Variants in CARNMT1 observed in about 807,000 individuals in gnomAD.
CARNMT1 encodes the protein protein-L-histidine N-pros-methyltransferase CARNMT1.
A neutral mutation model predicts 49.6 loss-of-function variants in CARNMT1; 28 were observed. The observed-to-expected ratio is 0.56, with a 90% CI of 0.42 to 0.77. The LOEUF (loss-of-function observed/expected upper bound fraction) is 0.77. Ranked by LOEUF, CARNMT1 falls within the 30% of genes least tolerant of loss-of-function variation. The pLI is 0.00. For missense variants in CARNMT1, 421 were observed against 512.6 expected, an observed-to-expected ratio of 0.82 and a Z score of 1.73; for synonymous variants, 178 against 175.0, an observed-to-expected ratio of 1.02 and a Z score of -0.13.
intron 7 of CARNMT1, among the ~76,000 whole-genome samples, chr9:74,984,282 A>C (rs755486227): frequency 6.6e-6 from 1 of 152,132 alleles, no homozygotes; most frequent in East Asian, 1.9e-4. Flanking sequence ...TATCCCTCTT[A>C]CACCTGCCCT....
chr9:75,027,954 C>T (rs1181806252), intron 1 of CARNMT1, 58 bp downstream of exon 1: 8 of 1,487,058 alleles, frequency 5.4e-6, no homozygotes, highest in African/African-American at 1.5e-5. Flanking sequence ...CCGGCGGGTC[C>T]GCCGCCACCA....
intron 3 of CARNMT1, among the ~76,000 whole-genome samples, chr9:75,012,558 C>T (rs1461786038): frequency 6.6e-6 from 1 of 152,054 alleles, no homozygotes; most frequent in Non-Finnish European, 1.5e-5. Context: ...GCTGGGATTA[C>T]AGGCGTGAGC....
rs965701491 is a variant in CARNMT1 at position 74,982,209 on chromosome 9, A to G, written c.*1558T>C. ...CCAGCCTAAGTGACAACAAAGGTCT[A>G]AAGATTTACAAGTAACTTTTCCTAT... is the stretch of plus-strand genomic sequence containing the variant. On this transcript the variant is annotated 3_prime_UTR_variant, in exon 8 of 8. Coordinates refer to ENST00000376834, the MANE Select transcript of CARNMT1 (RefSeq NM_152420.3). 7.9e-5 allele frequency: 12 copies of G among 152,206 alleles called. No homozygotes were observed. The highest frequency in any genetic ancestry group is 2.0e-4 in the Admixed American group (3 of 15,272). The allele number at this position is 152,206 out of a possible 1,614,324, so 9.4% of individuals were successfully genotyped here. A position where few individuals can be genotyped will look rare whatever the true frequency, so the allele number is the denominator to read the frequency against.
intron 1 of CARNMT1, among the ~76,000 whole-genome samples, chr9:75,022,213 CT>C (rs35783706): frequency 0.053 from 4,090 of 76,772 alleles, 16 homozygotes; most frequent in Middle Eastern, 0.082. Context: ...AGAAGGAATA[CT>C]TTTTTTTTTT....
At chr9:75,004,202 A>G (rs1402848059) in intron 3 of CARNMT1, among the ~76,000 whole-genome samples, 1 of 152,266 alleles carries the variant, frequency 6.6e-6, no homozygotes, top group Non-Finnish European at 1.5e-5. Context: ...TTTGACAAAT[A>G]AGCCACATTG....
intron 1 of CARNMT1, among the ~76,000 whole-genome samples, chr9:75,022,213 C>CT (rs35783706): frequency 0.051 from 3,955 of 77,004 alleles, 864 homozygotes; most frequent in Non-Finnish European, 0.061. Flanking sequence ...AGAAGGAATA[C>CT]TTTTTTTTTT....
intron 3 of CARNMT1, among the ~76,000 whole-genome samples, chr9:75,005,833 C>T (rs895230966): frequency 2.5e-5 from 2 of 79,222 alleles, no homozygotes; most frequent in African/African-American, 1.2e-4. Context: ...TTAAAACACA[C>T]ACACACACAC....
rs1833270970 is a variant in CARNMT1 at position 74,998,754 on chromosome 9, T to C, written c.754A>G (p.Lys252Glu). The C allele has an allele frequency of 2.0e-6, 3 of 1,531,426 alleles. No individual in the cohort carries two copies. Among genetic ancestry groups the C allele is most frequent in the Non-Finnish European group, 2.6e-6 (3 of 1,135,708 alleles). The allele number at this position is 1,531,426 out of a possible 1,614,324, so 94.9% of individuals were successfully genotyped here. A position where few individuals can be genotyped will look rare whatever the true frequency, so the allele number is the denominator to read the frequency against. ...AACTGATGGATCCAAGGATAAAGTT[T>C]ATATTTATTAATTTCAGAACATCTG... ...LNRCSEINKY[K>E]LYPWIHQFSN... Residue 252 changes from lysine (K) to glutamate (E), a missense_variant, in exon 5 of 8, where the codon AAA (lysine) becomes GAA (glutamate). Coordinates refer to ENST00000376834, the MANE Select transcript of CARNMT1 (RefSeq NM_152420.3).
At chr9:75,012,048 T>C (rs17702006) in intron 3 of CARNMT1, among the ~76,000 whole-genome samples, 7,375 of 152,244 alleles carry the variant, frequency 0.048, 232 homozygotes, top group Middle Eastern at 0.092. Context: ...CAATGTGTTA[T>C]GCAGCAATCC....
At chr9:75,009,853 T>A (rs80256734) in intron 3 of CARNMT1, 2 of 152,152 alleles carry the variant, frequency 1.3e-5, no homozygotes, top group Non-Finnish European at 2.9e-5. Flanking sequence ...CTTATTGTTA[T>A]AAGGAAGCCT....
At chr9:75,026,079 T>C (rs994753686) in intron 1 of CARNMT1, among the ~76,000 whole-genome samples, 3 of 152,330 alleles carry the variant, frequency 2.0e-5, no homozygotes. Context: ...AAAGCATATT[T>C]TTGATGTTAT....
intron 6 of CARNMT1, chr9:74,991,810 T>C (rs1833026477): frequency 6.6e-6 from 1 of 152,182 alleles, no homozygotes; most frequent in African/African-American, 2.4e-5. Flanking sequence ...TCGCAAAACT[T>C]ACCTATCTAC....
At position 74,992,145 on chromosome 9, in the gene CARNMT1, G is replaced by A. The variant is rs532167824; in HGVS notation, c.1024+4302C>T. 1.2e-3 allele frequency among the ~76,000 whole-genome samples: 183 copies of A among 152,054 alleles called. 1 individual carries two copies. The highest frequency in any genetic ancestry group is 4.0e-3 in the African/African-American group (165 of 41,490). Reference sequence around the variant, plus strand: ...AAAACAGCCAGGTGTGGTGGCGCACGCCTGTAACCCCAGCTACTTGAGAGG... The same window carrying A: ...AAAACAGCCAGGTGTGGTGGCGCACACCTGTAACCCCAGCTACTTGAGAGG... On this transcript the variant is annotated intron_variant, in intron 6 of 7. Transcript: ENST00000376834.
intron 7 of CARNMT1, 32 bp downstream of exon 7, chr9:74,984,875 T>A (rs974311569): frequency 6.9e-7 from 1 of 1,443,244 alleles, no homozygotes; most frequent in Non-Finnish European, 9.7e-7. Flanking sequence ...CTTTGGGAGT[T>A]AAACTTTGGC....
intron 3 of CARNMT1, among the ~76,000 whole-genome samples, chr9:75,005,827 AACACACACAC>A (rs10569961): frequency 0.031 from 4,235 of 135,772 alleles, 121 homozygotes; most frequent in African/African-American, 0.074. Context: ...GTGAAATTAA[AACACACACAC>A]ACACACACAC....
At chr9:75,011,719 C>A (rs1833695950) in intron 3 of CARNMT1, among the ~76,000 whole-genome samples, 1 of 152,124 alleles carries the variant, frequency 6.6e-6, no homozygotes, top group Admixed American at 6.5e-5. Context: ...GATCTAGACA[C>A]CCTCCTTGCT....
At chr9:74,985,436 A>G (rs1258587552) in intron 6 of CARNMT1, among the ~76,000 whole-genome samples, 3 of 152,220 alleles carry the variant, frequency 2.0e-5, no homozygotes, top group Non-Finnish European at 2.9e-5. Flanking sequence ...GGTGGACAGG[A>G]GTTATATGGA....
intron 1 of CARNMT1, among the ~76,000 whole-genome samples, chr9:75,023,355 TA>T (rs1448743730): frequency 2.0e-5 from 3 of 152,148 alleles, no homozygotes; most frequent in African/African-American, 7.2e-5. Flanking sequence ...TAAAAAGCAA[TA>T]AATGTTCAGT....
At chr9:74,996,642 A>T (rs2118781434) in intron 5 of CARNMT1, 82 bp from the exon 6 acceptor site, 1 of 742,386 alleles carries the variant, frequency 1.3e-6, no homozygotes, top group African/African-American at 1.8e-5. Context: ...TCTGCCAGTT[A>T]CCTTTTACAG....
Sources: allele counts gnomAD v4.1 joint callset (sites outside exome capture counted in the v4.1 genomes callset), GRCh38; gene constraint gnomAD v4.1.1; transcripts MANE v1.5; gene names NCBI Gene and HGNC (gene_info 2026-07-23, HGNC 2026-07-21).